Variants in GALNT17 observed in about 807,000 individuals in gnomAD.
GALNT17 encodes the protein polypeptide N-acetylgalactosaminyltransferase 17.
Under a neutral mutation model 63.7 loss-of-function variants are expected in GALNT17, and 29 were observed. The observed-to-expected ratio is 0.46, with a 90% CI of 0.34 to 0.62. The LOEUF is 0.62. Among genes scored for constraint, GALNT17 ranks in the 20% least tolerant of loss-of-function variants. The probability of loss-of-function intolerance (pLI) is 0.01; values close to 1 mark genes in which losing one functional copy is unlikely to be tolerated. For synonymous variants in GALNT17, 305 were observed against 318.3 expected (o/e 0.96, Z 0.45); for missense variants, 603 against 799.6 (o/e 0.75, Z 2.97).
chr7:71,193,964 C>A (rs1309296654), intron 1 of GALNT17, among the ~76,000 whole-genome samples: 1 of 152,196 alleles, frequency 6.6e-6, no homozygotes, highest in Non-Finnish European at 1.5e-5. Context: ...TTAGAGGTAT[C>A]AAGCATTCTT....
intron 3 of GALNT17, among the ~76,000 whole-genome samples, chr7:71,400,130 C>A (rs1793213821): frequency 5.3e-5 from 8 of 152,126 alleles, no homozygotes; most frequent in Admixed American, 5.2e-4. Flanking sequence ...AGGTATTTCT[C>A]CTAATGCTCT....
At chr7:71,633,394 C>T (rs1790484896) in intron 6 of GALNT17, among the ~76,000 whole-genome samples, 2 of 152,112 alleles carry the variant, frequency 1.3e-5, no homozygotes, top group Admixed American at 6.5e-5. Flanking sequence ...ACTGAGGCTA[C>T]GCAGTTTGTC....
At chr7:71,501,004 C>A (rs1248305519) in intron 5 of GALNT17, among the ~76,000 whole-genome samples, 3 of 151,922 alleles carry the variant, frequency 2.0e-5, no homozygotes, top group African/African-American at 7.3e-5. Context: ...GATTCTTACT[C>A]CATTACCCAG....
intron 6 of GALNT17, among the ~76,000 whole-genome samples, chr7:71,604,381 A>G (rs1319424559): frequency 2.0e-5 from 3 of 152,180 alleles, no homozygotes; most frequent in African/African-American, 7.2e-5. Flanking sequence ...TGCATACACC[A>G]GGTAGTGTGC....
intron 1 of GALNT17, among the ~76,000 whole-genome samples, chr7:71,287,370 G>A (rs1182343002): frequency 2.0e-5 from 3 of 152,234 alleles, no homozygotes; most frequent in South Asian, 4.1e-4. Context: ...GATTACAGGT[G>A]TGAGACACCA....
chr7:71,305,404 T>C lies in GALNT17; in HGVS notation c.239-30146T>C, dbSNP rs572363412. Among the ~76,000 whole-genome samples, 43 of 152,234 alleles carry C rather than the reference T, an allele frequency of 2.8e-4. 1 individual carries two copies. The highest frequency in any genetic ancestry group is 2.5e-3 in the Admixed American group (38 of 15,286). On this transcript the variant is annotated intron_variant, in intron 1 of 10. Coordinates refer to ENST00000333538, the MANE Select transcript of GALNT17 (RefSeq NM_022479.3). ...CAGCTGCAGGCTAAAGCACCAAAAT[T>C]TTCTTGTTTTCAACTAACCCACGGC...
chr7:71,585,789 C>A (rs569581466), intron 6 of GALNT17, among the ~76,000 whole-genome samples: 27 of 152,084 alleles, frequency 1.8e-4, no homozygotes, highest in African/African-American at 6.3e-4. Context: ...TAATATATAC[C>A]CCTATAATCA....
intron 1 of GALNT17, among the ~76,000 whole-genome samples, chr7:71,139,956 T>C (rs1332933898): frequency 1.3e-5 from 2 of 152,126 alleles, no homozygotes; most frequent in Non-Finnish European, 2.9e-5. Context: ...ATCGCGCCCC[T>C]GCACTCCAGC....
At chr7:71,232,495 A>G (rs1192455591) in intron 1 of GALNT17, among the ~76,000 whole-genome samples, 2 of 152,028 alleles carry the variant, frequency 1.3e-5, no homozygotes, top group East Asian at 1.9e-4. Context: ...GTTAGGGACT[A>G]GGGGGGATTT....
chr7:71,197,775 G>A (rs183210759), intron 1 of GALNT17, among the ~76,000 whole-genome samples: 169 of 152,174 alleles, frequency 1.1e-3, no homozygotes, highest in African/African-American at 3.9e-3. Context: ...AAATGACAGG[G>A]TCTTATTTCT....
chr7:71,501,716 C>T (rs774370725), intron 5 of GALNT17, among the ~76,000 whole-genome samples: 1 of 152,160 alleles, frequency 6.6e-6, no homozygotes, highest in Admixed American at 6.5e-5. Context: ...CTGCCCTCCA[C>T]TCTGGCCATG....
chr7:71,253,059 C>T (rs1790228487), intron 1 of GALNT17, among the ~76,000 whole-genome samples: 1 of 152,182 alleles, frequency 6.6e-6, no homozygotes. Context: ...ATTGACTATT[C>T]TTCTGCCCTC....
chr7:71,151,470 A>G (rs912890399), intron 1 of GALNT17, among the ~76,000 whole-genome samples: 1 of 151,766 alleles, frequency 6.6e-6, no homozygotes, highest in Non-Finnish European at 1.5e-5. Flanking sequence ...AAATACAAAA[A>G]ATTAGTCAGG....
At chr7:71,518,240 A>G (rs1788474503) in intron 5 of GALNT17, among the ~76,000 whole-genome samples, 3 of 152,242 alleles carry the variant, frequency 2.0e-5, no homozygotes, top group Admixed American at 2.0e-4. Flanking sequence ...AATGCTCATC[A>G]GTAATTTCTA....
rs34711093 is a variant in GALNT17, at chr7:71,546,161, CT to C, written c.963-25107del. On this transcript the variant is annotated intron_variant, in intron 5 of 10. Transcript: ENST00000333538. ...GGTCATTATGAATTCTTGAGGGACA[CT>C]TTTTTTTTTTTTTTTTGAGATAGCA... is the stretch of plus-strand genomic sequence containing the variant. 8.0e-3 allele frequency among the ~76,000 whole-genome samples: 1,098 copies of C among 136,508 alleles called. 11 individuals carry two copies. Among genetic ancestry groups the C allele is most frequent in the African/African-American group, 0.021 (790 of 37,484 alleles). The allele number at this position is 136,508 out of a possible 152,430, so 89.6% of individuals were successfully genotyped here.
intron 3 of GALNT17, among the ~76,000 whole-genome samples, chr7:71,408,979 C>CAT (rs966597620): frequency 1.4e-5 from 2 of 147,694 alleles, no homozygotes; most frequent in Non-Finnish European, 3.0e-5. Context: ...TGTATATATA[C>CAT]ATATATATAC....
intron 1 of GALNT17, among the ~76,000 whole-genome samples, chr7:71,328,678 A>G (rs1289893565): frequency 6.7e-6 from 1 of 149,288 alleles, no homozygotes; most frequent in Admixed American, 6.7e-5. Context: ...TGCTTTGTTG[A>G]ACCTTTGTGG....
intron 5 of GALNT17, among the ~76,000 whole-genome samples, chr7:71,552,279 A>C (rs1198166165): frequency 6.6e-6 from 1 of 151,950 alleles, no homozygotes; most frequent in Non-Finnish European, 1.5e-5. Flanking sequence ...TCCTGGCCTC[A>C]AACAATCCAC....
chr7:71,705,514 C>T (rs1355639230), intron 9 of GALNT17, among the ~76,000 whole-genome samples: 2 of 152,152 alleles, frequency 1.3e-5, no homozygotes, highest in Non-Finnish European at 2.9e-5. Flanking sequence ...TAATTCTACT[C>T]CTAGGTGTAT....
Sources: gnomAD v4.1 joint callset for allele counts (sites outside exome capture counted in the v4.1 genomes callset) on GRCh38, gnomAD v4.1.1 for gene constraint, MANE v1.5 for transcripts, NCBI Gene and HGNC (gene_info 2026-07-23, HGNC 2026-07-21) for gene names.